PRKG1: variants seen among roughly 807,000 people sequenced by gnomAD.
The protein encoded by PRKG1 is protein kinase cGMP-dependent 1, also known as cGMP-dependent protein kinase 1.
PRKG1 carries 35 observed loss-of-function variants against 88.1 expected under a neutral mutation model. The ratio of observed to expected loss-of-function variants is 0.40; its 90% CI spans 0.30 to 0.53. The LOEUF (loss-of-function observed/expected upper bound fraction) is 0.53, where lower values mean the gene tolerates loss of function less well. PRKG1 is among the 20% of genes least tolerant of loss of function. PRKG1 has a pLI of 0.59. For missense variants in PRKG1, 540 were observed against 839.8 expected, an observed-to-expected ratio of 0.64 and a Z score of 4.41; for synonymous variants, 303 against 292.5, an observed-to-expected ratio of 1.04 and a Z score of -0.37.
At chr10:51,263,065 T>C (rs1226640187) in intron 2 of PRKG1, among the ~76,000 whole-genome samples, 1 of 152,236 alleles carries the variant, frequency 6.6e-6, no homozygotes. Flanking sequence ...TAGAGATTTG[T>C]ACTCTGTCTT....
At chr10:51,840,131 GAT>G (rs907280068) in intron 4 of PRKG1, among the ~76,000 whole-genome samples, 8 of 152,164 alleles carry the variant, frequency 5.3e-5, no homozygotes, top group African/African-American at 1.7e-4. Flanking sequence ...ATGATGAATT[GAT>G]ATGTCTGTTG....
intron 5 of PRKG1, among the ~76,000 whole-genome samples, chr10:51,925,152 A>G (rs1205311240): frequency 6.6e-6 from 1 of 150,468 alleles, no homozygotes; most frequent in Admixed American, 6.6e-5. Flanking sequence ...TTTGGGTATG[A>G]TGTTTTGAGT....
In PRKG1 at chr10:51,107,566, C is replaced by T. The variant is rs79916771; in HGVS notation, c.311+32665C>T. Among the ~76,000 whole-genome samples, 909 of 151,826 alleles carry T rather than the reference C, an allele frequency of 6.0e-3. 6 individuals are homozygous for T. Among genetic ancestry groups the T allele is most frequent in the African/African-American group, 0.021 (859 of 41,424 alleles). The stretch of plus-strand genomic sequence containing the variant: ...ATAAAACTGATGAACCTCATCTGGG[C>T]GCGTTCATGCCTATAATCCCAGCAC... On this transcript the variant is annotated intron_variant, in intron 1 of 17. Coordinates refer to ENST00000373980, the MANE Select transcript of PRKG1 (RefSeq NM_006258.4).
intron 10 of PRKG1, chr10:52,252,472 TGCTGAACATAGA>T (rs1841197472): frequency 6.6e-6 from 1 of 152,130 alleles, no homozygotes; most frequent in Admixed American, 6.6e-5. Context: ...TCCACCTCTC[TGCTGAACATAGA>T]GGAGTTCCTG....
At chr10:51,392,742 CGGCTGGCCGGGCGGGGGGCTG>C (rs1837445174) in intron 2 of PRKG1, among the ~76,000 whole-genome samples, 1 of 141,358 alleles carries the variant, frequency 7.1e-6, no homozygotes, top group Non-Finnish European at 1.6e-5. Flanking sequence ...CCGGACGGGG[CGGCTGGCCGGGCGGGGGGCTG>C]ACCACCCCCA....
intron 1 of PRKG1, among the ~76,000 whole-genome samples, chr10:50,994,003 T>C (rs2816828): frequency 0.87 from 133,051 of 152,208 alleles, 58,261 homozygotes; most frequent in East Asian, 0.94. Context: ...TTTGTGTCTA[T>C]AGCAAATAGC....
intron 4 of PRKG1, among the ~76,000 whole-genome samples, chr10:51,905,992 A>G (rs536720575): frequency 0.015 from 2,286 of 152,288 alleles, 63 homozygotes; most frequent in African/African-American, 0.053. Flanking sequence ...TTATCTAATT[A>G]CACTTGTAGT....
intron 3 of PRKG1, among the ~76,000 whole-genome samples, chr10:51,720,546 G>A (rs1747784056): frequency 6.6e-6 from 1 of 152,140 alleles, no homozygotes; most frequent in South Asian, 2.1e-4. Context: ...TCCTTTGTCT[G>A]CACTTTGGGA....
chr10:51,055,368 AT>A (rs1445388722), intron 1 of PRKG1, among the ~76,000 whole-genome samples: 1 of 152,156 alleles, frequency 6.6e-6, no homozygotes, highest in Non-Finnish European at 1.5e-5. Context: ...TTAAAAAAAA[AT>A]CTTAATTCCT....
At chr10:51,151,248 T>C (rs527392622) in intron 1 of PRKG1, among the ~76,000 whole-genome samples, 7 of 151,928 alleles carry the variant, frequency 4.6e-5, no homozygotes, top group African/African-American at 1.4e-4. Flanking sequence ...AATCCCAGAA[T>C]AGTAGATCTC....
At chr10:51,041,958 A>G (rs972486413) in intron 1 of PRKG1, among the ~76,000 whole-genome samples, 1 of 152,156 alleles carries the variant, frequency 6.6e-6, no homozygotes, top group Non-Finnish European at 1.5e-5. Flanking sequence ...GTGGGACAGT[A>G]AAAGAGGACA....
intron 2 of PRKG1, among the ~76,000 whole-genome samples, chr10:51,259,425 A>T (rs1222662173): frequency 6.6e-6 from 1 of 151,986 alleles, no homozygotes; most frequent in East Asian, 1.9e-4. Flanking sequence ...GTCTTATTTC[A>T]TTTCACCTCT....
At chr10:52,198,708 T>A (rs1839575973) in intron 9 of PRKG1, among the ~76,000 whole-genome samples, 1 of 152,036 alleles carries the variant, frequency 6.6e-6, no homozygotes, top group African/African-American at 2.4e-5. Context: ...TGGAGGAGAA[T>A]CAAGTTCTCT....
chr10:51,658,997 G>T (rs901733473), intron 3 of PRKG1, among the ~76,000 whole-genome samples: 3 of 151,960 alleles, frequency 2.0e-5, no homozygotes, highest in African/African-American at 4.8e-5. Context: ...AACAACAGTG[G>T]GCAATGGGTT....
At chr10:51,666,893 C>A (rs1840435383) in intron 3 of PRKG1, among the ~76,000 whole-genome samples, 1 of 151,990 alleles carries the variant, frequency 6.6e-6, no homozygotes, top group Non-Finnish European at 1.5e-5. Context: ...ATTCAAGGTT[C>A]AAGTGATTTT....
intron 3 of PRKG1, among the ~76,000 whole-genome samples, chr10:51,632,276 C>T (rs946900914): frequency 6.6e-6 from 1 of 152,088 alleles, no homozygotes; most frequent in East Asian, 1.9e-4. Context: ...CAGTGACCCC[C>T]ATGTGATTTT....
intron 3 of PRKG1, among the ~76,000 whole-genome samples, chr10:51,690,974 C>T (rs1589201204): frequency 7.2e-6 from 1 of 138,776 alleles, no homozygotes; most frequent in African/African-American, 2.6e-5. Flanking sequence ...ATTATGTATA[C>T]TATCCATATC....
At chr10:51,798,783 C>T (rs1168093702) in intron 3 of PRKG1, among the ~76,000 whole-genome samples, 1 of 152,156 alleles carries the variant, frequency 6.6e-6, no homozygotes, top group Middle Eastern at 3.4e-3. Context: ...TAATTTTGCT[C>T]ATTGCAAATC....
chr10:51,804,745 A>G (rs1456140351), intron 4 of PRKG1, 55 bp downstream of exon 4: 1 of 1,265,328 alleles, frequency 7.9e-7, no homozygotes, highest in South Asian at 1.2e-5. Flanking sequence ...TAGCCCTATT[A>G]TCTGAAATGC....
Sources: allele counts gnomAD v4.1 joint callset (sites outside exome capture counted in the v4.1 genomes callset), GRCh38; gene constraint gnomAD v4.1.1; transcripts MANE v1.5; gene names NCBI Gene and HGNC (gene_info 2026-07-23, HGNC 2026-07-21).